CYP2J2: variants seen among roughly 807,000 people sequenced by gnomAD.
CYP2J2 encodes the protein cytochrome P450 family 2 subfamily J member 2, also known as cytochrome P450 2J2.
In CYP2J2, 41 loss-of-function variants were observed where a neutral mutation model predicts 48.8. The ratio of observed to expected loss-of-function variants is 0.84; its 90% confidence interval spans 0.66 to 1.09. The LOEUF is 1.09. CYP2J2 is among the 50% of genes least tolerant of loss of function. The pLI, the probability that CYP2J2 is intolerant of heterozygous loss-of-function variation, is 0.00. For synonymous variants in CYP2J2, 221 were observed against 227.1 expected (o/e 0.97, Z 0.24); for missense variants, 644 against 617.3 (o/e 1.04, Z -0.46).
At chr1:59,951,230 C>A in the CYP2J2 span, among the ~76,000 whole-genome samples, 1 of 152,176 alleles carries the variant, frequency 6.6e-6, no homozygotes, top group African/African-American at 2.4e-5. Flanking sequence ...TGTTCATGTT[C>A]TTTACCTCTA....
the CYP2J2 span, among the ~76,000 whole-genome samples, chr1:59,967,614 C>T: frequency 6.6e-6 from 1 of 152,182 alleles, no homozygotes; most frequent in Admixed American, 6.5e-5. Context: ...CTGAGCAAGG[C>T]TGGGCTTTCT....
chr1:59,902,623 C>T (rs2102110590), intron 7 of CYP2J2, among the ~76,000 whole-genome samples: 1 of 152,168 alleles, frequency 6.6e-6, no homozygotes, highest in Middle Eastern at 3.4e-3. Context: ...CCATGTTGGC[C>T]AGGCTGATCT....
rs57853756 is a variant in CYP2J2 at position 59,916,257 on chromosome 1, A to G, written c.211-157T>C. 9.2e-3 allele frequency among the ~76,000 whole-genome samples: 1,401 copies of G among 151,908 alleles called. 19 individuals are homozygous for G. The highest frequency in any genetic ancestry group is 0.032 in the African/African-American group (1,312 of 41,414). On this transcript the variant is annotated intron_variant, in intron 1 of 8. Transcript: ENST00000371204. ...TGTGTGTGTGTGTGAGTGAGTGTAC[A>G]TTGGTCTCATGGGAATGCTTTTATT...
At chr1:59,894,612 A>T (rs996576417) in intron 8 of CYP2J2, among the ~76,000 whole-genome samples, 5 of 152,216 alleles carry the variant, frequency 3.3e-5, no homozygotes, top group Non-Finnish European at 7.3e-5. Context: ...GGAATCAGTG[A>T]AAATGTACAT....
chr1:59,926,779 A>C (rs1644569759), upstream of CYP2J2: 1 of 1,572,892 alleles, frequency 6.4e-7, no homozygotes, highest in Admixed American at 1.8e-5. Flanking sequence ...TCTGCGGTCC[A>C]AGCAGGCGGC....
At chr1:59,958,795 C>T in the CYP2J2 span, among the ~76,000 whole-genome samples, 2 of 152,308 alleles carry the variant, frequency 1.3e-5, no homozygotes, top group South Asian at 2.1e-4. Flanking sequence ...GTTAGCCACA[C>T]TTTCCATGCT....
chr1:59,967,150 T>G, the CYP2J2 span, among the ~76,000 whole-genome samples: 1 of 151,830 alleles, frequency 6.6e-6, no homozygotes, highest in East Asian at 1.9e-4. Flanking sequence ...CTTACACGAG[T>G]TTTAAGAATG....
At chr1:59,961,603 C>T in the CYP2J2 span, among the ~76,000 whole-genome samples, 1 of 151,898 alleles carries the variant, frequency 6.6e-6, no homozygotes, top group African/African-American at 2.4e-5. Flanking sequence ...ACCATATAAC[C>T]CAGAAATTCC....
intron 6 of CYP2J2, among the ~76,000 whole-genome samples, chr1:59,906,673 A>G (rs1644368062): frequency 6.6e-6 from 1 of 152,126 alleles, no homozygotes; most frequent in Non-Finnish European, 1.5e-5. Flanking sequence ...GGCCACCACC[A>G]TTCTACTTTG....
intron 8 of CYP2J2, among the ~76,000 whole-genome samples, chr1:59,894,111 T>C (rs2102097963): frequency 6.6e-6 from 1 of 152,176 alleles, no homozygotes; most frequent in Non-Finnish European, 1.5e-5. Flanking sequence ...GCGGAAGGCG[T>C]GGGCTGAGCT....
At position 59,901,067 on chromosome 1, in the gene CYP2J2, T is replaced by C. The variant is rs1294787969; in HGVS notation, c.1228A>G (p.Arg410Gly). 1 of 1,613,960 alleles carries C rather than the reference T, an allele frequency of 6.2e-7. No individual in the cohort carries two copies. Among genetic ancestry groups the C allele is most frequent in the African/African-American group, 1.3e-5 (1 of 74,936 alleles). ...GGGGTGGCCCACTCTGTGGGGTCCC[T>C]GTGCAGCGCCGTCAAATTGGTCAGG... ...MILTNLTALH[R>G]DPTEWATPDT... The change falls in exon 8 of 9, where the codon AGG becomes GGG. Residue 410 changes from arginine to glycine, a missense_variant. Arg to Gly is a moderately radical substitution (Grantham distance 125). Transcript: ENST00000371204.
At chr1:59,963,041 C>G in the CYP2J2 span, among the ~76,000 whole-genome samples, 2 of 152,090 alleles carry the variant, frequency 1.3e-5, no homozygotes, top group South Asian at 4.2e-4. Context: ...TCATTTTCAC[C>G]AGAACATTTT....
chr1:59,955,695 G>C, the CYP2J2 span, among the ~76,000 whole-genome samples: 1 of 152,046 alleles, frequency 6.6e-6, no homozygotes, highest in Non-Finnish European at 1.5e-5. Flanking sequence ...TAGTATTCTG[G>C]GCTAGAACGC....
At chr1:59,917,998 G>T (rs1467217435) in intron 1 of CYP2J2, among the ~76,000 whole-genome samples, 1 of 152,168 alleles carries the variant, frequency 6.6e-6, no homozygotes, top group African/African-American at 2.4e-5. Context: ...CCACATTAAA[G>T]TCCAAGCCTG....
At chr1:59,946,652 C>T in the CYP2J2 span, among the ~76,000 whole-genome samples, 2 of 152,180 alleles carry the variant, frequency 1.3e-5, no homozygotes, top group South Asian at 2.1e-4. Flanking sequence ...AAACTTCACA[C>T]TCTAAGAAGT....
At chr1:59,938,891 A>G in the CYP2J2 span, among the ~76,000 whole-genome samples, 1 of 152,258 alleles carries the variant, frequency 6.6e-6, no homozygotes, top group Admixed American at 6.5e-5. Context: ...TATCGAGACT[A>G]GAGAATGGCG....
At chr1:59,936,914 C>T in the CYP2J2 span, among the ~76,000 whole-genome samples, 2 of 152,214 alleles carry the variant, frequency 1.3e-5, no homozygotes, top group Non-Finnish European at 2.9e-5. Flanking sequence ...AAATTGATTT[C>T]TACTCAGAGT....
intron 1 of CYP2J2, among the ~76,000 whole-genome samples, chr1:59,922,925 C>T (rs1048565415): frequency 1.4e-4 from 21 of 152,180 alleles, no homozygotes; most frequent in African/African-American, 4.8e-4. Flanking sequence ...GTCTTTCAGC[C>T]TACTTTGCAA....
At chr1:59,935,037 T>TAC in the CYP2J2 span, among the ~76,000 whole-genome samples, 2 of 96,224 alleles carry the variant, frequency 2.1e-5, no homozygotes, top group African/African-American at 3.9e-5. Flanking sequence ...TATATATATA[T>TAC]ATATATATAT....
Sources: allele counts gnomAD v4.1 joint callset (sites outside exome capture counted in the v4.1 genomes callset), GRCh38; gene constraint gnomAD v4.1.1; transcripts MANE v1.5; gene names NCBI Gene and HGNC (gene_info 2026-07-23, HGNC 2026-07-21).